The following MAPK14 variants were observed in gnomAD, a reference collection of about 807,000 sequenced individuals.
The protein encoded by MAPK14 is mitogen-activated protein kinase 14.
In MAPK14, 16 loss-of-function variants were observed where a neutral mutation model predicts 49.6. That is an observed-to-expected ratio of 0.32 (90% CI 0.22 to 0.49). The LOEUF is 0.49. Ranked by LOEUF, MAPK14 falls within the 20% of genes least tolerant of loss-of-function variation. The pLI is 0.99. For missense variants in MAPK14, 200 were observed against 441.2 expected (o/e 0.45, Z 4.90); for synonymous variants, 142 against 158.0 (o/e 0.90, Z 0.76).
At chr6:36,051,118 ATT>A (rs111807142) in intron 1 of MAPK14, among the ~76,000 whole-genome samples, 11 of 142,702 alleles carry the variant, frequency 7.7e-5, no homozygotes, top group African/African-American at 7.7e-5. Flanking sequence ...TGTTATTACT[ATT>A]TTTTTTTTTT....
At chr6:36,076,672 C>A in intron 8 of MAPK14, 64 bp downstream of exon 8, 1 of 1,208,320 alleles carries the variant, frequency 8.3e-7, no homozygotes, top group Non-Finnish European at 1.2e-6. Context: ...TGGGTGTATA[C>A]TCCTTTTACT....
chr6:36,031,984 G>T (rs1255807071), intron 1 of MAPK14, among the ~76,000 whole-genome samples: 1 of 151,758 alleles, frequency 6.6e-6, no homozygotes, highest in Non-Finnish European at 1.5e-5. Flanking sequence ...GTCTTACTGT[G>T]TTGCCCAGGT....
intron 3 of MAPK14, among the ~76,000 whole-genome samples, chr6:36,072,097 G>A (rs1168459821): frequency 6.6e-6 from 1 of 152,100 alleles, no homozygotes; most frequent in Non-Finnish European, 1.5e-5. Context: ...AATGTTGGGA[G>A]GCTAAATTGG....
At chr6:36,062,895 T>A (rs1166059287) in intron 3 of MAPK14, among the ~76,000 whole-genome samples, 1 of 152,074 alleles carries the variant, frequency 6.6e-6, no homozygotes, top group Non-Finnish European at 1.5e-5. Flanking sequence ...TGACCTCAAG[T>A]GATCCACCCA....
In MAPK14 at chr6:36,109,129, G is replaced by C. The variant is rs201948333; in HGVS notation, c.*682G>C. 2.0e-5 allele frequency: 3 copies of C among 152,936 alleles called. No homozygotes were observed. The highest frequency in any genetic ancestry group is 2.9e-5 in the Non-Finnish European group (2 of 68,290). The allele number at this position is 152,936 out of a possible 1,614,324, so 9.5% of individuals were successfully genotyped here. A position where few individuals can be genotyped will look rare whatever the true frequency, so the allele number is the denominator to read the frequency against. On this transcript the variant is annotated 3_prime_UTR_variant, in exon 12 of 12. Coordinates refer to ENST00000229794, the MANE Select transcript of MAPK14 (RefSeq NM_139012.3). ...AAGTTCTGAGCCGGGCAAGTCGAGA[G>C]GGCTGTTGGACAGCTGCTTGTGGGC...
chr6:36,051,376 T>C (rs1383406187), intron 1 of MAPK14, among the ~76,000 whole-genome samples: 1 of 152,094 alleles, frequency 6.6e-6, no homozygotes, highest in Non-Finnish European at 1.5e-5. Flanking sequence ...CCCAAGGTGC[T>C]GGATTACAGG....
At chr6:36,046,811 G>A (rs6930333) in intron 1 of MAPK14, among the ~76,000 whole-genome samples, 21,826 of 152,194 alleles carry the variant, frequency 0.14, 1,951 homozygotes, top group African/African-American at 0.26. Flanking sequence ...AGTGCCTTGG[G>A]CGGGCAACTC....
In MAPK14 at chr6:36,076,473, A is replaced by T. The variant is rs1274911409; in HGVS notation, c.611-64A>T. On this transcript the variant is annotated intron_variant, in intron 7 of 11. Coordinates refer to ENST00000229794, the MANE Select transcript of MAPK14 (RefSeq NM_139012.3). ...ATATTTCACCCCTAGTTACGGTTTCATTTGTTGCCAAGAATTGTAACAGTG... is the reference window on the plus strand; with the variant it reads ...ATATTTCACCCCTAGTTACGGTTTCTTTTGTTGCCAAGAATTGTAACAGTG... 2.5e-6 allele frequency: 3 copies of T among 1,210,504 alleles called. No individual in the cohort carries two copies. The East Asian group carries it at 7.0e-5, about 28-fold the overall frequency. The allele number at this position is 1,210,504 out of a possible 1,614,324, so 75.0% of individuals were successfully genotyped here. A position where few individuals can be genotyped will look rare whatever the true frequency, so the allele number is the denominator to read the frequency against.
At position 36,028,284 on chromosome 6, in the gene MAPK14, C is replaced by A; in HGVS notation, c.116+11C>A. 1 of 1,599,996 alleles carries A rather than the reference C, an allele frequency of 6.3e-7. No homozygotes were observed. ...CTATGGCTCTGTGTGGTGAGTGTCG[C>A]TGGGCCTGGGGCCGCTGTGGGCAGG... On this transcript the variant is annotated intron_variant, in intron 1 of 11. Coordinates refer to ENST00000229794, the MANE Select transcript of MAPK14 (RefSeq NM_139012.3). The surrounding 1 kb of genome is among the most constrained non-coding windows in gnomAD (Gnocchi z 5.1).
At chr6:36,050,127 T>C (rs543096642) in intron 1 of MAPK14, among the ~76,000 whole-genome samples, 5 of 152,342 alleles carry the variant, frequency 3.3e-5, no homozygotes, top group African/African-American at 1.2e-4. Context: ...CTACAGTCTT[T>C]CTTGTTCAAC....
intron 9 of MAPK14, among the ~76,000 whole-genome samples, chr6:36,099,517 A>G (rs566923234): frequency 1.4e-4 from 21 of 152,370 alleles, no homozygotes; most frequent in South Asian, 1.2e-3. Context: ...GGAGGAAATC[A>G]TGTGGCATGC....
chr6:36,028,603 G>T lies in MAPK14; in HGVS notation c.116+330G>T, dbSNP rs1762405447. ...GCACCGGGGGAAGGGCCGCTTCCTT[G>T]GGGGTCTCCCTGCCTACCTGGAGCA... On this transcript the variant is annotated intron_variant, in intron 1 of 11. Coordinates refer to ENST00000229794, the MANE Select transcript of MAPK14 (RefSeq NM_139012.3). This position sits in a 1 kb window ranked among gnomAD's most constrained non-coding sequence, Gnocchi z 5.1. Among the ~76,000 whole-genome samples, 1 of 152,134 alleles carries T rather than the reference G, an allele frequency of 6.6e-6. No homozygotes were observed. The highest frequency in any genetic ancestry group is 1.5e-5 in the Non-Finnish European group (1 of 68,014).
intron 8 of MAPK14, among the ~76,000 whole-genome samples, chr6:36,089,943 C>T (rs1180353772): frequency 6.6e-6 from 1 of 152,196 alleles, no homozygotes; most frequent in Admixed American, 6.5e-5. Flanking sequence ...GAGATCACAG[C>T]CTTGGCTTGC....
intron 9 of MAPK14, chr6:36,100,168 C>A: frequency 6.5e-7 from 1 of 1,538,482 alleles, no homozygotes; most frequent in Non-Finnish European, 9.0e-7. Context: ...TTTAACAATG[C>A]CCTTGACTAG....
At chr6:36,035,062 C>T (rs951114128) in intron 1 of MAPK14, among the ~76,000 whole-genome samples, 1 of 151,948 alleles carries the variant, frequency 6.6e-6, no homozygotes, top group Admixed American at 6.6e-5. Flanking sequence ...CCACACCTGG[C>T]TAATTTTTGT....
intron 3 of MAPK14, among the ~76,000 whole-genome samples, chr6:36,063,421 C>A (rs1481550444): frequency 6.6e-6 from 1 of 152,120 alleles, no homozygotes; most frequent in East Asian, 1.9e-4. Flanking sequence ...AACCCCTTCT[C>A]TACAAAAAAA....
chr6:36,102,545 C>A (rs199755941), intron 9 of MAPK14, 26 bp from the exon 10 acceptor site: 42 of 1,571,644 alleles, frequency 2.7e-5, no homozygotes, highest in Non-Finnish European at 3.6e-5. Flanking sequence ...TGAACAAAGT[C>A]ATTCTGAAAA....
chr6:36,124,160 C>CTTCCTTCCTTCT, the MAPK14 span, among the ~76,000 whole-genome samples: 11 of 134,688 alleles, frequency 8.2e-5, no homozygotes, highest in South Asian at 3.0e-3. Context: ...CCCTTCCTTC[C>CTTCCTTCCTTCT]TTCCTTCCTT....
intron 8 of MAPK14, among the ~76,000 whole-genome samples, chr6:36,094,129 A>G (rs1247172524): frequency 1.3e-5 from 2 of 152,240 alleles, no homozygotes; most frequent in Non-Finnish European, 2.9e-5. Context: ...CAACATCTTG[A>G]ACTGAGAAGC....
Sources: gnomAD v4.1 joint callset for allele counts (sites outside exome capture counted in the v4.1 genomes callset) on GRCh38, gnomAD v4.1.1 for gene constraint, Gnocchi (gnomAD v3.1) non-coding constraint, MANE v1.5 for transcripts, NCBI Gene and HGNC (gene_info 2026-07-23, HGNC 2026-07-21) for gene names.